The following TENM2 variants were observed in gnomAD, a reference collection of about 807,000 sequenced individuals.
TENM2 encodes teneurin transmembrane protein 2, also known as teneurin-2.
TENM2 carries 52 observed loss-of-function variants against 245.2 expected under a neutral mutation model. The observed-to-expected ratio is 0.21, with a 90% CI of 0.17 to 0.27. TENM2 has a LOEUF of 0.27. Ranked by LOEUF, TENM2 falls within the 10% of genes least tolerant of loss-of-function variation. The pLI, the probability that TENM2 is intolerant of heterozygous loss-of-function variation, is 1.00. For synonymous variants in TENM2, 1,363 were observed against 1,438.9 expected (o/e 0.95, Z 1.19); for missense variants, 3,046 against 3,666.8 (o/e 0.83, Z 4.37).
intron 1 of TENM2, chr5:167,307,791 G>A (rs1021562108): frequency 2.0e-5 from 3 of 152,190 alleles, no homozygotes; most frequent in Non-Finnish European, 4.4e-5. Flanking sequence ...GAAAGCACGA[G>A]CCGGAAATTC....
intron 3 of TENM2, among the ~76,000 whole-genome samples, chr5:167,907,524 AATATATATATATATATATATATAT>A (rs56159044): frequency 0.085 from 6,625 of 78,340 alleles, 360 homozygotes; most frequent in South Asian, 0.22. Flanking sequence ...GATCACCCTA[AATATATATATATATATATATATAT>A]ATATATATAT....
intron 5 of TENM2, among the ~76,000 whole-genome samples, chr5:168,027,674 T>A (rs1035190193): frequency 4.6e-5 from 7 of 152,262 alleles, no homozygotes; most frequent in Non-Finnish European, 1.0e-4. Flanking sequence ...CAAGTTGAAC[T>A]GTCTGGTTCC....
intron 5 of TENM2, among the ~76,000 whole-genome samples, chr5:168,023,429 C>T (rs1786334262): frequency 6.6e-6 from 1 of 152,086 alleles, no homozygotes; most frequent in South Asian, 2.1e-4. Context: ...GCAGCCTGGC[C>T]CGCCGACGGC....
chr5:167,358,921 G>T (rs1205344650), intron 1 of TENM2, among the ~76,000 whole-genome samples: 3 of 151,146 alleles, frequency 2.0e-5, no homozygotes, highest in Non-Finnish European at 4.4e-5. Context: ...ATCCAAAAAT[G>T]ATGTCACTTC....
At chr5:167,137,533 G>T in the TENM2 span, among the ~76,000 whole-genome samples, 1 of 152,158 alleles carries the variant, frequency 6.6e-6, no homozygotes, top group Non-Finnish European at 1.5e-5. Flanking sequence ...CTCCCCAGGT[G>T]TCCCAGATGT....
At chr5:167,790,797 C>CT (rs1280759675) in intron 2 of TENM2, among the ~76,000 whole-genome samples, 1 of 152,172 alleles carries the variant, frequency 6.6e-6, no homozygotes, top group Non-Finnish European at 1.5e-5. Flanking sequence ...GACCTTTGCC[C>CT]TAAGCCCCCA....
At chr5:168,197,397 C>T (rs1055460039) in intron 15 of TENM2, among the ~76,000 whole-genome samples, 9 of 151,996 alleles carry the variant, frequency 5.9e-5, no homozygotes, top group Non-Finnish European at 1.2e-4. Context: ...GCACCACTGC[C>T]CTCAAAGAGA....
intron 7 of TENM2, among the ~76,000 whole-genome samples, chr5:168,075,085 C>G (rs552534616): frequency 6.6e-6 from 1 of 152,114 alleles, no homozygotes; most frequent in Non-Finnish European, 1.5e-5. Context: ...TCCCTCACCC[C>G]GCTTCCACCC....
At chr5:168,069,716 C>T (rs1790817436) in intron 7 of TENM2, among the ~76,000 whole-genome samples, 1 of 152,188 alleles carries the variant, frequency 6.6e-6, no homozygotes, top group Admixed American at 6.5e-5. Context: ...CAGACACCTT[C>T]ATCTTCTTTC....
At chr5:167,499,873 G>T (rs1769061873) in intron 2 of TENM2, among the ~76,000 whole-genome samples, 1 of 130,234 alleles carries the variant, frequency 7.7e-6, no homozygotes, top group Admixed American at 8.1e-5. Flanking sequence ...TGTATGTGAG[G>T]GTATATGTGT....
At chr5:168,006,918 C>A (rs1172778191) in intron 5 of TENM2, among the ~76,000 whole-genome samples, 1 of 152,206 alleles carries the variant, frequency 6.6e-6, no homozygotes, top group Non-Finnish European at 1.5e-5. Flanking sequence ...ACCTGGGTGC[C>A]TGCCAGGGAT....
At chr5:167,125,720 T>C in the TENM2 span, among the ~76,000 whole-genome samples, 2 of 152,168 alleles carry the variant, frequency 1.3e-5, no homozygotes, top group African/African-American at 2.4e-5. Flanking sequence ...CAGCTTGCTT[T>C]GTACATTTGG....
At chr5:167,489,852 A>G (rs1308322259) in intron 2 of TENM2, among the ~76,000 whole-genome samples, 1 of 152,190 alleles carries the variant, frequency 6.6e-6, no homozygotes, top group Non-Finnish European at 1.5e-5. Flanking sequence ...TTTGTTAGGT[A>G]TCTGACCTCT....
intron 20 of TENM2, among the ~76,000 whole-genome samples, chr5:168,212,923 A>G (rs1329699176): frequency 6.6e-6 from 1 of 152,154 alleles, no homozygotes; most frequent in African/African-American, 2.4e-5. Flanking sequence ...CACACCCACC[A>G]CTGCCTGCTC....
At chr5:167,621,174 T>A (rs899883762) in intron 2 of TENM2, among the ~76,000 whole-genome samples, 9 of 152,094 alleles carry the variant, frequency 5.9e-5, no homozygotes, top group African/African-American at 2.2e-4. Flanking sequence ...AAAGACAAGG[T>A]CTCCATGCAT....
At chr5:167,803,296 G>A (rs1310935967) in intron 2 of TENM2, among the ~76,000 whole-genome samples, 1 of 152,104 alleles carries the variant, frequency 6.6e-6, no homozygotes, top group Non-Finnish European at 1.5e-5. Flanking sequence ...GACATTCTAA[G>A]CCTATCAGCT....
At chr5:168,262,796 A>G (rs1379597065) in exon 29 of TENM2, 5 of 1,602,568 alleles carry the variant, frequency 3.1e-6, no homozygotes, top group Non-Finnish European at 4.3e-6. Flanking sequence ...ACAGAATGAG[A>G]TGGGAAAGAG....
At chr5:168,035,221 A>T (rs1004752408) in intron 5 of TENM2, among the ~76,000 whole-genome samples, 18 of 152,344 alleles carry the variant, frequency 1.2e-4, no homozygotes, top group Admixed American at 6.5e-4. Flanking sequence ...TACATTTCAT[A>T]AGTGGGCCAG....
chr5:167,742,206 A>G (rs1326076218), intron 2 of TENM2, among the ~76,000 whole-genome samples: 3 of 152,056 alleles, frequency 2.0e-5, no homozygotes, highest in Non-Finnish European at 2.9e-5. Flanking sequence ...CATTCCCCCA[A>G]TAATTCCCAC....
Sources: allele counts gnomAD v4.1 joint callset (sites outside exome capture counted in the v4.1 genomes callset), GRCh38; gene constraint gnomAD v4.1.1; transcripts MANE v1.5; gene names NCBI Gene and HGNC (gene_info 2026-07-23, HGNC 2026-07-21).